The following GUCY2C variants were observed in gnomAD, a reference collection of about 807,000 sequenced individuals.
GUCY2C encodes guanylate cyclase 2C, also known as guanylyl cyclase C.
GUCY2C carries 118 observed loss-of-function variants against 131.1 expected under a neutral mutation model. The observed-to-expected ratio is 0.90, with a 90% CI of 0.78 to 1.05. The LOEUF (loss-of-function observed/expected upper bound fraction) is 1.05. GUCY2C is among the 50% of genes least tolerant of loss of function. The probability of loss-of-function intolerance (pLI) is 0.00; values close to 1 mark genes in which losing one functional copy is unlikely to be tolerated. For synonymous variants in GUCY2C, 452 were observed against 457.8 expected, an observed-to-expected ratio of 0.99 and a Z score of 0.16; for missense variants, 1,161 against 1,304.4, an observed-to-expected ratio of 0.89 and a Z score of 1.69.
chr12:14,688,091 AAC>A, intron 1 of GUCY2C, 28 bp from the exon 2 acceptor site: 1 of 1,296,596 alleles, frequency 7.7e-7, no homozygotes, highest in Admixed American at 1.7e-5. Context: ...GGGAAAATAG[AAC>A]ACTAGTGTTA....
chr12:14,673,872 G>A (rs1424644439), intron 8 of GUCY2C, among the ~76,000 whole-genome samples: 1 of 152,140 alleles, frequency 6.6e-6, no homozygotes, highest in Non-Finnish European at 1.5e-5. Context: ...TGAAGCAGAA[G>A]TGATCTCTTC....
rs763637814 is a variant in GUCY2C at position 14,643,637 on chromosome 12, C to A, written c.1867G>T (p.Asp623Tyr). The change falls in exon 17 of 27, where the codon GAC (aspartate) becomes TAC (tyrosine). Residue 623 changes from aspartate to tyrosine, a missense_variant. By Grantham distance (160) the Asp-to-Tyr change is radical. Coordinates refer to ENST00000261170, the MANE Select transcript of GUCY2C (RefSeq NM_004963.4). ...GRLKSTNCVV[D>Y]SRMVVKITDF... is the part of the protein sequence containing the mutation. ...GTGATCTTCACCACCATTCTACTGT[C>A]CACTACGCAGTTGGTAGATTTCAGA... The A allele has an allele frequency of 5.0e-6, 8 of 1,613,022 alleles. No homozygotes were observed. In the African/African-American group the frequency reaches 8.0e-5, roughly 16 times the overall value.
At chr12:14,674,182 G>A (rs116976955) in intron 8 of GUCY2C, 19 of 211,382 alleles carry the variant, frequency 9.0e-5, no homozygotes, top group Non-Finnish European at 1.7e-4. Flanking sequence ...CAGGAGGTTT[G>A]TGTTGTTTTG....
chr12:14,614,796 T>G (rs1373531060), intron 26 of GUCY2C, 71 bp downstream of exon 26: 7 of 889,194 alleles, frequency 7.9e-6, no homozygotes, highest in Non-Finnish European at 1.2e-5. Flanking sequence ...TTTGCCAATT[T>G]AAATTGGCTG....
intron 20 of GUCY2C, among the ~76,000 whole-genome samples, chr12:14,627,513 C>A (rs1193987445): frequency 3.9e-5 from 6 of 152,302 alleles, no homozygotes; most frequent in African/African-American, 1.4e-4. Flanking sequence ...CAGTTGCTCA[C>A]CTTTGACTGC....
chr12:14,693,626 C>G (rs1177000828), intron 1 of GUCY2C, among the ~76,000 whole-genome samples: 1 of 152,228 alleles, frequency 6.6e-6, no homozygotes, highest in African/African-American at 2.4e-5. Context: ...CCCCAAAAAC[C>G]TGTACCTTTT....
In GUCY2C at chr12:14,658,907, A is replaced by G. The variant is rs189269515; in HGVS notation, c.1364+2074T>C. On this transcript the variant is annotated intron_variant, in intron 11 of 26. Coordinates refer to ENST00000261170, the MANE Select transcript of GUCY2C (RefSeq NM_004963.4). ...AATAAAAATAACTATTTTCATTTATATAATGCTTAGTATATGGTAGTTTGT... is the reference window on the plus strand; with the variant it reads ...AATAAAAATAACTATTTTCATTTATGTAATGCTTAGTATATGGTAGTTTGT... 5.9e-4 allele frequency among the ~76,000 whole-genome samples: 89 copies of G among 151,806 alleles called. 2 individuals are homozygous for G. The highest frequency in any genetic ancestry group is 2.1e-3 in the African/African-American group (88 of 41,488).
rs762908310 is a variant in GUCY2C, at chr12:14,656,600, T to C, written c.1382A>G (p.Tyr461Cys). 1.3e-6 allele frequency: 2 copies of C among 1,550,822 alleles called. No individual in the cohort carries two copies. Among genetic ancestry groups the C allele is most frequent in the African/African-American group, 1.4e-5 (1 of 73,752 alleles). ...GGACCATTTTTTCTGACGAAGTTCA[T>C]AATCTTTTCTATATTTTCTGTGAAA... is the stretch of plus-strand genomic sequence containing the variant. ...LLMLRKYRKD[Y>C]ELRQKKWSHI... The change falls in exon 12 of 27, where the codon TAT becomes TGT. Residue 461 changes from tyrosine to cysteine, a missense_variant. Coordinates refer to ENST00000261170, the MANE Select transcript of GUCY2C (RefSeq NM_004963.4).
rs1947499936 is a variant in GUCY2C at position 14,645,374 on chromosome 12, A to G, written c.1711-59T>C. On this transcript the variant is annotated intron_variant, in intron 15 of 26. Transcript: ENST00000261170. ...TTGCAAGAAAGGATATTGTGGAGAG[A>G]CTATTATGAAACAAATAATGATCTT... 6.2e-6 allele frequency: 5 copies of G among 801,792 alleles called. No individual in the cohort carries two copies. The Admixed American group carries it at 8.2e-5, about 13-fold the overall frequency. 49.7% of individuals were successfully genotyped at this position (801,792 alleles called of 1,614,324 possible). A position where few individuals can be genotyped will look rare whatever the true frequency, so the allele number is the denominator to read the frequency against.
At chr12:14,668,185 T>A (rs1433323135) in intron 10 of GUCY2C, among the ~76,000 whole-genome samples, 3 of 151,062 alleles carry the variant, frequency 2.0e-5, no homozygotes, top group East Asian at 3.9e-4. Flanking sequence ...ATATATATAT[T>A]TTTGAGACGG....
chr12:14,687,932 CA>C lies in GUCY2C; in HGVS notation c.330+18del, dbSNP rs548012740. The C allele has an allele frequency of 1.2e-3, 1,714 of 1,394,206 alleles. 4 individuals carry two copies. The highest frequency in any genetic ancestry group is 1.5e-3 in the Non-Finnish European group (1,454 of 979,466). 86.4% of individuals were successfully genotyped at this position (1,394,206 alleles called of 1,614,324 possible). On this transcript the variant is annotated intron_variant, in intron 2 of 26. Transcript: ENST00000261170. ...GTGCCCAGAGGCCATGAGCTGCATC[CA>C]CAAAAGCAAATACTTACTGAAATTT...
At chr12:14,664,013 T>C (rs964742300) in intron 10 of GUCY2C, among the ~76,000 whole-genome samples, 1 of 152,214 alleles carries the variant, frequency 6.6e-6, no homozygotes, top group Non-Finnish European at 1.5e-5. Context: ...ATGGTTTAGC[T>C]TGGGGTAAAC....
rs369563550 is a variant in GUCY2C, at chr12:14,661,079, G to A, written c.1283-17C>T. The A allele has an allele frequency of 1.5e-5, 23 of 1,523,764 alleles. 1 individual carries two copies. Among genetic ancestry groups the A allele is most frequent in the Middle Eastern group, 1.7e-4 (1 of 5,928 alleles). 94.4% of individuals were successfully genotyped at this position (1,523,764 alleles called of 1,614,324 possible). ...TCTGAGGGCCTGTGGCGGAAAATGC[G>A]TTAGGAAGGACCTTAGACAAGAGAG... On this transcript the variant is annotated splice_polypyrimidine_tract_variant and intron_variant, in intron 10 of 26. Transcript: ENST00000261170.
chr12:14,643,788 G>T, intron 16 of GUCY2C, 82 bp from the exon 17 acceptor site: 1 of 1,300,178 alleles, frequency 7.7e-7, no homozygotes, highest in Non-Finnish European at 1.1e-6. Context: ...AGTGACATTT[G>T]GAAACCATTT....
At chr12:14,645,847 T>C (rs1201151240) in intron 15 of GUCY2C, among the ~76,000 whole-genome samples, 2 of 152,010 alleles carry the variant, frequency 1.3e-5, no homozygotes, top group Non-Finnish European at 2.9e-5. Context: ...TGTTTTGTTT[T>C]GTTTTTGAGA....
intron 19 of GUCY2C, among the ~76,000 whole-genome samples, chr12:14,637,041 C>T (rs534461613): frequency 2.6e-5 from 4 of 151,528 alleles, no homozygotes; most frequent in South Asian, 4.2e-4. Flanking sequence ...TGCAGTGAGC[C>T]GAGATCACTC....
chr12:14,685,402 T>C (rs1948449413), intron 3 of GUCY2C, among the ~76,000 whole-genome samples: 1 of 152,178 alleles, frequency 6.6e-6, no homozygotes, highest in Admixed American at 6.5e-5. Context: ...TAATGTTTAC[T>C]CTCCAAAATC....
chr12:14,685,977 A>G (rs189512157), intron 3 of GUCY2C, among the ~76,000 whole-genome samples, 184 bp downstream of exon 3: 1 of 152,330 alleles, frequency 6.6e-6, no homozygotes, highest in Admixed American at 6.5e-5. Context: ...CTGAATGGCT[A>G]CAGACATTCA....
At chr12:14,618,787 C>T (rs950385233) in intron 24 of GUCY2C, among the ~76,000 whole-genome samples, 57 of 151,932 alleles carry the variant, frequency 3.8e-4, no homozygotes, top group African/African-American at 1.3e-3. Flanking sequence ...GGTGACAGAA[C>T]GAGAGCCTGT....
Sources: gnomAD v4.1 joint callset for allele counts (sites outside exome capture counted in the v4.1 genomes callset) on GRCh38, gnomAD v4.1.1 for gene constraint, MANE v1.5 for transcripts, NCBI Gene and HGNC (gene_info 2026-07-23, HGNC 2026-07-21) for gene names.